Variants in KIAA0825 observed in about 807,000 individuals in gnomAD.
The protein encoded by KIAA0825 is uncharacterized protein KIAA0825.
In KIAA0825, 119 loss-of-function variants were observed where a neutral mutation model predicts 147.6. The observed-to-expected ratio is 0.81, with a 90% CI of 0.69 to 0.94. The LOEUF is 0.94. Among genes scored for constraint, KIAA0825 ranks in the 40% least tolerant of loss-of-function variants. KIAA0825 has a pLI of 0.00. For synonymous variants in KIAA0825, 470 were observed against 518.1 expected (o/e 0.91, Z 1.26); for missense variants, 1,381 against 1,472.7 (o/e 0.94, Z 1.02).
chr5:94,153,700 C>T lies in KIAA0825; in HGVS notation c.*307G>A, dbSNP rs1288164779. The T allele has an allele frequency of 1.9e-5, 4 of 205,374 alleles. No individual in the cohort carries two copies. Among genetic ancestry groups the T allele is most frequent in the Admixed American group, 5.8e-5 (1 of 17,118 alleles). 12.7% of individuals were successfully genotyped at this position (205,374 alleles called of 1,614,324 possible). A position where few individuals can be genotyped will look rare whatever the true frequency, so the allele number is the denominator to read the frequency against. ...TTAAAAAATTTCTGAACATTTCTTC[C>T]TGTTGTCATAGATACTTCAAGACTG... On this transcript the variant is annotated 3_prime_UTR_variant, in exon 21 of 21. Coordinates refer to ENST00000682413, the MANE Select transcript of KIAA0825 (RefSeq NM_001145678.3).
intron 14 of KIAA0825, among the ~76,000 whole-genome samples, chr5:94,428,463 C>A (rs962946728): frequency 6.6e-6 from 1 of 152,014 alleles, no homozygotes; most frequent in African/African-American, 2.4e-5. Context: ...TCCCTTAGTG[C>A]TTGCTTGTCT....
rs539440098 is a variant in KIAA0825 at position 94,587,893 on chromosome 5, A to G, written c.-152-5310T>C. Among the ~76,000 whole-genome samples, 478 of 152,298 alleles carry G rather than the reference A, an allele frequency of 3.1e-3. 3 individuals carry two copies. Among genetic ancestry groups the G allele is most frequent in the African/African-American group, 0.011 (444 of 41,552 alleles). ...AGAGGCCTCAGAAATAACACCACAC[A>G]TCTACAACCATCTGATCTTTGAGAA... On this transcript the variant is annotated intron_variant, in intron 1 of 20. Transcript: ENST00000682413.
chr5:94,357,914 A>T (rs75925644), intron 20 of KIAA0825, among the ~76,000 whole-genome samples: 2 of 126,328 alleles, frequency 1.6e-5, no homozygotes, highest in Admixed American at 7.5e-5. Context: ...GAGTAACATT[A>T]AAAAAAAAAA....
chr5:94,586,914 T>C (rs904597601), intron 1 of KIAA0825, among the ~76,000 whole-genome samples: 10 of 152,058 alleles, frequency 6.6e-5, no homozygotes, highest in African/African-American at 2.4e-4. Flanking sequence ...ATGTAATCCA[T>C]CACAGAAACA....
At chr5:94,531,875 A>T (rs1221658050) in intron 3 of KIAA0825, among the ~76,000 whole-genome samples, 1 of 152,186 alleles carries the variant, frequency 6.6e-6, no homozygotes, top group Non-Finnish European at 1.5e-5. Flanking sequence ...AAACCTTTGA[A>T]ATGACTAATT....
intron 20 of KIAA0825, among the ~76,000 whole-genome samples, chr5:94,276,436 C>T (rs1376153663): frequency 3.3e-5 from 5 of 151,814 alleles, no homozygotes; most frequent in African/African-American, 1.2e-4. Context: ...TGGAAAAGAC[C>T]ACATTAGCTA....
Position 94,598,171 on chromosome 5 carries a change from CAGTT to C in KIAA0825, c.-152-15592_-152-15589del, listed in dbSNP as rs770190916. 5.1e-3 allele frequency among the ~76,000 whole-genome samples: 777 copies of C among 151,970 alleles called. 10 individuals are homozygous for C. Among genetic ancestry groups the C allele is most frequent in the African/African-American group, 0.018 (727 of 41,504 alleles). The stretch of plus-strand genomic sequence containing the variant: ...TTATTTTTTTACTTTTGTGTAATAA[CAGTT>C]AGCATAAAACACAATGTACAAAATA... On this transcript the variant is annotated intron_variant, in intron 1 of 20. Coordinates refer to ENST00000682413, the MANE Select transcript of KIAA0825 (RefSeq NM_001145678.3).
intron 20 of KIAA0825, among the ~76,000 whole-genome samples, chr5:94,204,131 T>C (rs1771942803): frequency 1.3e-5 from 2 of 152,164 alleles, no homozygotes; most frequent in Admixed American, 1.3e-4. Context: ...AAGTCATTAG[T>C]TTTTCTTATT....
chr5:94,591,305 G>T (rs1467827031), intron 1 of KIAA0825, among the ~76,000 whole-genome samples: 2 of 152,190 alleles, frequency 1.3e-5, no homozygotes, highest in Non-Finnish European at 2.9e-5. Context: ...ATCAATTGAA[G>T]GTTTGCTCAA....
chr5:94,295,290 C>A (rs1778085249), intron 20 of KIAA0825, among the ~76,000 whole-genome samples: 1 of 151,942 alleles, frequency 6.6e-6, no homozygotes, highest in Non-Finnish European at 1.5e-5. Flanking sequence ...ATGTTCTTCT[C>A]TAAACTGGTT....
intron 17 of KIAA0825, among the ~76,000 whole-genome samples, chr5:94,393,616 C>G (rs193023408): frequency 6.6e-6 from 1 of 152,234 alleles, no homozygotes; most frequent in East Asian, 1.9e-4. Context: ...TTTAATGGAT[C>G]TTAACAGAAG....
At chr5:94,392,591 T>G (rs1185693747) in intron 17 of KIAA0825, among the ~76,000 whole-genome samples, 1 of 152,236 alleles carries the variant, frequency 6.6e-6, no homozygotes, top group African/African-American at 2.4e-5. Context: ...GCAATGTAAG[T>G]ATTCTTAAAA....
intron 6 of KIAA0825, among the ~76,000 whole-genome samples, chr5:94,482,687 T>G (rs1435469065): frequency 6.6e-6 from 1 of 152,066 alleles, no homozygotes; most frequent in South Asian, 2.1e-4. Context: ...ACAATTTCCC[T>G]CAAGATCATT....
chr5:94,185,142 T>A lies in KIAA0825; in HGVS notation c.3711-31018A>T, dbSNP rs902289460. ...AATGCACCAGTTTCTACTCTCATCA[T>A]GTTTGCTGATGTCCCTTGGCCAAAG... On this transcript the variant is annotated intron_variant, in intron 20 of 20. Transcript: ENST00000682413. 5.3e-5 allele frequency among the ~76,000 whole-genome samples: 8 copies of A among 152,308 alleles called. No homozygotes were observed. In the East Asian group the frequency reaches 1.5e-3, roughly 29 times the overall value.
intron 20 of KIAA0825, among the ~76,000 whole-genome samples, chr5:94,216,543 G>A (rs1005511351): frequency 1.3e-5 from 2 of 152,144 alleles, no homozygotes; most frequent in African/African-American, 4.8e-5. Context: ...AAAAGGCAAT[G>A]ATTACCTAGT....
chr5:94,564,649 T>C (rs1367183019), intron 2 of KIAA0825, among the ~76,000 whole-genome samples: 2 of 151,490 alleles, frequency 1.3e-5, no homozygotes, highest in Non-Finnish European at 2.9e-5. Flanking sequence ...AGCGAACCTC[T>C]TGCTTCAGCC....
chr5:94,554,576 C>T (rs896474003), intron 2 of KIAA0825, among the ~76,000 whole-genome samples: 2 of 151,114 alleles, frequency 1.3e-5, no homozygotes, highest in East Asian at 1.9e-4. Flanking sequence ...TTAATTTTTA[C>T]CAAATCTTGG....
chr5:94,612,123 C>A (rs1313395290), intron 1 of KIAA0825, among the ~76,000 whole-genome samples: 3 of 152,012 alleles, frequency 2.0e-5, no homozygotes, highest in Non-Finnish European at 2.9e-5. Flanking sequence ...TTCTGGCTAA[C>A]AAAACCGTAT....
intron 20 of KIAA0825, among the ~76,000 whole-genome samples, chr5:94,372,311 G>T (rs543788295): frequency 2.0e-5 from 3 of 151,844 alleles, no homozygotes; most frequent in African/African-American, 7.2e-5. Flanking sequence ...GTGCCCCAGT[G>T]GGGGCTCCAA....
Sources: gnomAD v4.1 joint callset for allele counts (sites outside exome capture counted in the v4.1 genomes callset) on GRCh38, gnomAD v4.1.1 for gene constraint, MANE v1.5 for transcripts, NCBI Gene and HGNC (gene_info 2026-07-23, HGNC 2026-07-21) for gene names.